Variants in STRN3 observed in about 807,000 individuals in gnomAD.
STRN3 encodes the protein striatin-3.
Under a neutral mutation model 95.6 loss-of-function variants are expected in STRN3, and 29 were observed. The ratio of observed to expected loss-of-function variants is 0.30; its 90% CI spans 0.23 to 0.41. The LOEUF (loss-of-function observed/expected upper bound fraction) is 0.41, where lower values mean the gene tolerates loss of function less well. STRN3 is among the 10% of genes least tolerant of loss of function. The pLI, the probability that STRN3 is intolerant of heterozygous loss-of-function variation, is 1.00. For synonymous variants in STRN3, 331 were observed against 357.6 expected (o/e 0.93, Z 0.84); for missense variants, 890 against 972.1 (o/e 0.92, Z 1.12).
At chr14:31,004,338 C>T (rs906497810) in intron 1 of STRN3, among the ~76,000 whole-genome samples, 1 of 152,048 alleles carries the variant, frequency 6.6e-6, no homozygotes, top group African/African-American at 2.4e-5. Context: ...GTGGCACACA[C>T]CTGTAGTCCC....
At chr14:31,025,369 T>C (rs1159610323) in intron 1 of STRN3, 1 of 161,164 alleles carries the variant, frequency 6.2e-6, no homozygotes. Context: ...CTGTGCACCC[T>C]AGCAGCCCAG....
intron 1 of STRN3, among the ~76,000 whole-genome samples, chr14:30,967,819 A>C (rs1880608681): frequency 6.6e-6 from 1 of 152,210 alleles, no homozygotes; most frequent in Admixed American, 6.5e-5. Context: ...CCCTTAACCC[A>C]GAAGGTTTCC....
At chr14:30,899,890 A>G (rs1896258156) in intron 16 of STRN3, among the ~76,000 whole-genome samples, 1 of 152,214 alleles carries the variant, frequency 6.6e-6, no homozygotes, top group African/African-American at 2.4e-5. Context: ...TAATTATTGA[A>G]CCTATTCATA....
At chr14:30,961,047 A>T (rs1018972182) in intron 1 of STRN3, among the ~76,000 whole-genome samples, 13 of 152,208 alleles carry the variant, frequency 8.5e-5, no homozygotes, top group African/African-American at 2.2e-4. Context: ...GAGATTTCTT[A>T]AAAAAGACAA....
At chr14:30,932,559 G>A (rs1240044073) in intron 7 of STRN3, among the ~76,000 whole-genome samples, 1 of 151,952 alleles carries the variant, frequency 6.6e-6, no homozygotes, top group East Asian at 1.9e-4. Context: ...TAATATTTCC[G>A]TCTCGTCTGG....
intron 8 of STRN3, among the ~76,000 whole-genome samples, chr14:30,926,271 A>T (rs891803884): frequency 6.6e-6 from 1 of 152,242 alleles, no homozygotes; most frequent in African/African-American, 2.4e-5. Flanking sequence ...ATTTACAAAA[A>T]TGTTTAAAAA....
chr14:31,016,610 C>G (rs2139339871), intron 1 of STRN3, among the ~76,000 whole-genome samples: 1 of 152,190 alleles, frequency 6.6e-6, no homozygotes, highest in East Asian at 1.9e-4. Context: ...GTGGCGCGAT[C>G]TCGACTCACT....
intron 15 of STRN3, among the ~76,000 whole-genome samples, chr14:30,904,047 C>G (rs1407969196): frequency 6.6e-6 from 1 of 152,100 alleles, no homozygotes; most frequent in African/African-American, 2.4e-5. Flanking sequence ...ATTGAAAAAG[C>G]CTAACACAAT....
chr14:30,936,203 G>A (rs1166715188), intron 6 of STRN3, among the ~76,000 whole-genome samples: 1 of 152,176 alleles, frequency 6.6e-6, no homozygotes. Flanking sequence ...ACAGACTTCA[G>A]CAGTGATTCT....
intron 8 of STRN3, among the ~76,000 whole-genome samples, chr14:30,925,235 G>A (rs1177356820): frequency 7.9e-5 from 12 of 151,156 alleles, no homozygotes; most frequent in Admixed American, 6.6e-4. Flanking sequence ...GGGAGGGGGC[G>A]GGCAGGGGGG....
At position 30,981,427 on chromosome 14, in the gene STRN3, G is replaced by A. The variant is rs182241537; in HGVS notation, c.283-25185C>T. Among the ~76,000 whole-genome samples the A allele has an allele frequency of 7.9e-5, 12 of 152,274 alleles. No homozygotes were observed. The South Asian group carries it at 2.3e-3, about 29-fold the overall frequency. ...AAGTACTTAAATATTTGGGGCTAGA[G>A]GCAAGGTTCAAATGTAAAATAATTT... On this transcript the variant is annotated intron_variant, in intron 1 of 17. Coordinates refer to ENST00000357479, the MANE Select transcript of STRN3 (RefSeq NM_001083893.2).
intron 1 of STRN3, among the ~76,000 whole-genome samples, chr14:30,994,563 T>C (rs1251645199): frequency 2.0e-5 from 3 of 151,780 alleles, no homozygotes; most frequent in Admixed American, 2.0e-4. Context: ...CCAAATAAAC[T>C]AAAAACTAAA....
chr14:30,926,119 T>C (rs771994821), intron 8 of STRN3, among the ~76,000 whole-genome samples: 1 of 151,964 alleles, frequency 6.6e-6, no homozygotes, highest in Non-Finnish European at 1.5e-5. Context: ...TATTAAAGAG[T>C]GAAAAGTTTT....
At chr14:30,971,079 C>T (rs1880804562) in intron 1 of STRN3, among the ~76,000 whole-genome samples, 1 of 152,264 alleles carries the variant, frequency 6.6e-6, no homozygotes, top group African/African-American at 2.4e-5. Context: ...TCTCTCACAA[C>T]ATGGAGGAAA....
chr14:30,917,719 A>C (rs987942991), intron 9 of STRN3, among the ~76,000 whole-genome samples: 1 of 149,470 alleles, frequency 6.7e-6, no homozygotes, highest in African/African-American at 2.4e-5. Flanking sequence ...GATTTTTTTT[A>C]AGGTGAGTGA....
intron 8 of STRN3, among the ~76,000 whole-genome samples, chr14:30,926,586 T>C (rs1897034948): frequency 6.7e-6 from 1 of 148,614 alleles, no homozygotes; most frequent in Non-Finnish European, 1.5e-5. Flanking sequence ...GTACTTCTTA[T>C]AATACTTCTT....
At chr14:30,924,233 A>G (rs1314337094) in intron 8 of STRN3, among the ~76,000 whole-genome samples, 1 of 2,498 alleles carries the variant, frequency 4.0e-4, no homozygotes, top group Admixed American at 6.8e-3. Flanking sequence ...AAACAAAAAA[A>G]CAAAAAACAA....
intron 1 of STRN3, chr14:30,964,307 A>C (rs1880366728): frequency 6.6e-6 from 1 of 152,260 alleles, no homozygotes; most frequent in African/African-American, 2.4e-5. Context: ...TTGGATCATG[A>C]GGGTTTTGTT....
intron 1 of STRN3, among the ~76,000 whole-genome samples, chr14:30,980,516 T>A (rs1290977637): frequency 6.6e-6 from 1 of 151,892 alleles, no homozygotes; most frequent in Admixed American, 6.6e-5. Context: ...CAAGCTGTTT[T>A]CCTGCCTCAG....
Sources: allele counts gnomAD v4.1 joint callset (sites outside exome capture counted in the v4.1 genomes callset), GRCh38; gene constraint gnomAD v4.1.1; transcripts MANE v1.5; gene names NCBI Gene and HGNC (gene_info 2026-07-23, HGNC 2026-07-21).